The following FAAH2 variants were observed in gnomAD, a reference collection of about 807,000 sequenced individuals.
The protein encoded by FAAH2 is fatty acid amide hydrolase 2.
A neutral mutation model predicts 36.9 loss-of-function variants in FAAH2; 60 were observed. The observed-to-expected ratio is 1.63, with a 90% CI of 1.32 to 2.02. The LOEUF (loss-of-function observed/expected upper bound fraction) is 2.02. FAAH2 is among the 30% of genes most tolerant of loss of function. The probability of loss-of-function intolerance (pLI) is 0.00; values close to 1 mark genes in which losing one functional copy is unlikely to be tolerated. For missense variants in FAAH2, 689 were observed against 397.5 expected (o/e 1.73, Z -6.23); for synonymous variants, 214 against 143.8 (o/e 1.49, Z -3.49).
intron 7 of FAAH2, among the ~76,000 whole-genome samples, chrX:57,409,630 G>A (rs149856259): frequency 2.6e-4 from 29 of 110,945 alleles, no homozygotes; most frequent in African/African-American, 9.4e-4. Context: ...TTTTTATGGT[G>A]TAGGTTCTAT....
At chrX:57,327,093 T>C (rs888709485) in intron 3 of FAAH2, among the ~76,000 whole-genome samples, 1 of 108,661 alleles carries the variant, frequency 9.2e-6, no homozygotes, top group African/African-American at 3.4e-5. Context: ...TCTCCTGCAC[T>C]TATGAAGCTT....
chrX:57,412,060 G>A lies in FAAH2; in HGVS notation c.997-19858G>A, dbSNP rs183893409. Among the ~76,000 whole-genome samples the A allele has an allele frequency of 5.9e-4, 66 of 111,359 alleles. 1 individual carries two copies. The highest frequency in any genetic ancestry group is 1.9e-3 in the African/African-American group (58 of 30,688). On this transcript the variant is annotated intron_variant, in intron 7 of 10. Coordinates refer to ENST00000374900, the MANE Select transcript of FAAH2 (RefSeq NM_174912.4). ...ATACAATGCATAATAGTCAAATCTAGTAATTGGGATATCCATTGCCTAAAA... is the reference window on the plus strand; with the variant it reads ...ATACAATGCATAATAGTCAAATCTAATAATTGGGATATCCATTGCCTAAAA...
chrX:57,477,228 G>C (rs2057287914), intron 10 of FAAH2, among the ~76,000 whole-genome samples: 2 of 108,953 alleles, frequency 1.8e-5, no homozygotes, highest in Admixed American at 2.0e-4. Context: ...TTAGTTATTT[G>C]TTTTTTAATT....
chrX:57,262,418 C>T, the FAAH2 span, among the ~76,000 whole-genome samples: 1 of 110,676 alleles, frequency 9.0e-6, no homozygotes, highest in Non-Finnish European at 1.9e-5. Flanking sequence ...AGACATTCAC[C>T]CAATATAAAA....
At chrX:57,197,742 T>C in the FAAH2 span, among the ~76,000 whole-genome samples, 1 of 111,594 alleles carries the variant, frequency 9.0e-6, no homozygotes, top group East Asian at 2.8e-4. Context: ...TACAGGTCTC[T>C]TGGCCATGGA....
At chrX:57,185,295 G>C in the FAAH2 span, among the ~76,000 whole-genome samples, 1 of 110,621 alleles carries the variant, frequency 9.0e-6, no homozygotes, top group Non-Finnish European at 1.9e-5. Context: ...GAATTCAACT[G>C]TTTTGATTTT....
chrX:57,340,898 G>A lies in FAAH2; in HGVS notation c.623-373G>A, dbSNP rs946069547. Among the ~76,000 whole-genome samples, 3 of 109,954 alleles carry A rather than the reference G, an allele frequency of 2.7e-5. No homozygotes were observed. The Admixed American group carries it at 2.9e-4, about 11-fold the overall frequency. ...TCTGTGCTGCCAACCACCATGGCAC[G>A]CATATACCTGTGTAGCAAACCTGCA... On this transcript the variant is annotated intron_variant, in intron 4 of 10. Transcript: ENST00000374900.
chrX:57,271,899 T>G, the FAAH2 span, among the ~76,000 whole-genome samples: 1 of 110,703 alleles, frequency 9.0e-6, no homozygotes, highest in African/African-American at 3.3e-5. Context: ...GGACAGAGAA[T>G]GCATTTGATG....
chrX:57,226,027 G>A, the FAAH2 span, among the ~76,000 whole-genome samples: 1 of 112,064 alleles, frequency 8.9e-6, no homozygotes, highest in East Asian at 2.8e-4. Context: ...GTTTATGTGA[G>A]TCTTTTTGTG....
chrX:57,418,345 G>T (rs1489318884), intron 7 of FAAH2, among the ~76,000 whole-genome samples: 1 of 111,816 alleles, frequency 8.9e-6, no homozygotes. Flanking sequence ...TTGAAGCCCA[G>T]GGCCCTGGTG....
intron 8 of FAAH2, among the ~76,000 whole-genome samples, chrX:57,438,009 A>G (rs1185892733): frequency 9.6e-6 from 1 of 104,338 alleles, no homozygotes; most frequent in African/African-American, 3.4e-5. Flanking sequence ...ACGTATATGT[A>G]TACACATATG....
At chrX:57,272,792 T>C in the FAAH2 span, among the ~76,000 whole-genome samples, 1 of 112,126 alleles carries the variant, frequency 8.9e-6, no homozygotes, top group Non-Finnish European at 1.9e-5. Context: ...TACCAGCCAA[T>C]ACAAAAACAT....
chrX:57,448,019 T>A (rs1439330225), intron 9 of FAAH2, among the ~76,000 whole-genome samples: 1 of 112,186 alleles, frequency 8.9e-6, no homozygotes, highest in Non-Finnish European at 1.9e-5. Context: ...TCTGAAGGAC[T>A]TGCTTTGATG....
intron 5 of FAAH2, among the ~76,000 whole-genome samples, chrX:57,343,335 T>G (rs748498961): frequency 3.7e-4 from 41 of 112,241 alleles, no homozygotes; most frequent in African/African-American, 1.3e-3. Flanking sequence ...AGACAGTATC[T>G]CATTGTGGTC....
intron 8 of FAAH2, among the ~76,000 whole-genome samples, chrX:57,437,913 A>G (rs1037964151): frequency 2.9e-5 from 3 of 103,471 alleles, no homozygotes; most frequent in Admixed American, 1.1e-4. Context: ...ATATATACAT[A>G]CGTACATGTA....
intron 3 of FAAH2, among the ~76,000 whole-genome samples, chrX:57,320,057 A>G (rs894533688): frequency 8.9e-6 from 1 of 112,370 alleles, no homozygotes; most frequent in Admixed American, 9.4e-5. Flanking sequence ...TTAAAACCAT[A>G]AAAACCCTAG....
the FAAH2 span, among the ~76,000 whole-genome samples, chrX:57,201,948 AT>A: frequency 9.0e-6 from 1 of 111,503 alleles, no homozygotes; most frequent in Non-Finnish European, 1.9e-5. Flanking sequence ...CTTACATTTG[AT>A]GATTGCATTT....
At chrX:57,284,654 C>T (rs2051784999), upstream of FAAH2, among the ~76,000 whole-genome samples, 1 of 111,192 alleles carries the variant, frequency 9.0e-6, no homozygotes, top group Non-Finnish European at 1.9e-5. Flanking sequence ...AGTATGTATT[C>T]ATTTTGCAAG....
intron 7 of FAAH2, among the ~76,000 whole-genome samples, chrX:57,386,968 C>T (rs780582695): frequency 8.9e-6 from 1 of 111,919 alleles, no homozygotes; most frequent in South Asian, 3.7e-4. Context: ...TTAGGAGTTT[C>T]ATTTCATATT....
Sources: gnomAD v4.1 joint callset for allele counts (sites outside exome capture counted in the v4.1 genomes callset) on GRCh38, gnomAD v4.1.1 for gene constraint, MANE v1.5 for transcripts, NCBI Gene and HGNC (gene_info 2026-07-23, HGNC 2026-07-21) for gene names.